PRDM1: variants seen among roughly 807,000 people sequenced by gnomAD.
The protein encoded by PRDM1 is PR/SET domain 1, also known as PR domain zinc finger protein 1.
PRDM1 carries 13 observed loss-of-function variants against 62.8 expected under a neutral mutation model. The observed-to-expected ratio is 0.21, with a 90% CI of 0.13 to 0.33. The LOEUF (loss-of-function observed/expected upper bound fraction) is 0.33, where lower values mean the gene tolerates loss of function less well. PRDM1 is among the 10% of genes least tolerant of loss of function. The probability of loss-of-function intolerance (pLI) is 1.00; values close to 1 mark genes in which losing one functional copy is unlikely to be tolerated. For synonymous variants in PRDM1, 396 were observed against 417.6 expected (o/e 0.95, Z 0.63); for missense variants, 895 against 1,058.8 (o/e 0.85, Z 2.15).
chr6:106,038,012 G>GTTTTTTTTTTTTTTTTTTT (rs1302119750), intron 1 of PRDM1, among the ~76,000 whole-genome samples: 3 of 20,524 alleles, frequency 1.5e-4, no homozygotes, highest in Admixed American at 5.3e-4. Context: ...TGCTATTTTT[G>GTTTTTTTTTTTTTTTTTTT]TCTTTTTTTT....
intron 1 of PRDM1, among the ~76,000 whole-genome samples, chr6:106,072,849 C>A (rs9384599): frequency 2.0e-5 from 3 of 151,990 alleles, no homozygotes; most frequent in Non-Finnish European, 4.4e-5. Flanking sequence ...GGGAACCTTA[C>A]GCCAGTAGGC....
chr6:106,047,697 A>G (rs1345844924), upstream of PRDM1, among the ~76,000 whole-genome samples: 2 of 152,224 alleles, frequency 1.3e-5, no homozygotes, highest in Non-Finnish European at 2.9e-5. Context: ...GGCTTTCACT[A>G]AAACTTTAGT....
At chr6:106,064,964 T>G (rs1168298249) in intron 1 of PRDM1, among the ~76,000 whole-genome samples, 1 of 152,152 alleles carries the variant, frequency 6.6e-6, no homozygotes, top group South Asian at 2.1e-4. Flanking sequence ...TGGTCTTCAG[T>G]AGGACCTCTG....
intron 1 of PRDM1, among the ~76,000 whole-genome samples, chr6:106,025,005 C>G (rs191507013): frequency 4.6e-5 from 7 of 152,056 alleles, no homozygotes; most frequent in Admixed American, 1.3e-4. Context: ...TTTCTTCCTT[C>G]CCTTGGCAAG....
At chr6:106,082,472 AT>A (rs1773708954), upstream of PRDM1, among the ~76,000 whole-genome samples, 1 of 152,214 alleles carries the variant, frequency 6.6e-6, no homozygotes. Context: ...TTAAAAAATA[AT>A]TTTAAAATCA....
intron 1 of PRDM1, among the ~76,000 whole-genome samples, chr6:106,021,440 G>A (rs1772694722): frequency 6.6e-6 from 1 of 152,204 alleles, no homozygotes; most frequent in African/African-American, 2.4e-5. Context: ...CAAGTCTTGA[G>A]TAGAGTAAGC....
Position 106,071,295 on chromosome 6 carries a change from G to A in PRDM1, c.-66-16906G>A, listed in dbSNP as rs143143929. On this transcript the variant is annotated intron_variant, in intron 1 of 6. Coordinates refer to the PRDM1 transcript ENST00000651185. ...CAAAAAAAAGAATGCATCTTATTAT[G>A]CCACCCATTCATGTTCTAATTCAGA... is the stretch of plus-strand genomic sequence containing the variant. Among the ~76,000 whole-genome samples, 9 of 151,978 alleles carry A rather than the reference G, an allele frequency of 5.9e-5. No individual in the cohort carries two copies. The East Asian group carries it at 1.2e-3, about 20-fold the overall frequency.
At position 106,099,242 on chromosome 6, in the gene PRDM1, G is replaced by A. The variant is rs1219611970; in HGVS notation, c.412-58G>A. The A allele has an allele frequency of 3.1e-6, 5 of 1,610,312 alleles. No individual in the cohort carries two copies. The East Asian group carries it at 1.1e-4, about 36-fold the overall frequency. ...GTACCGGCTGTGTTTATTCTGAGAG[G>A]TGCTGGGGAGCTTTGGGTCTGACTT... On this transcript the variant is annotated intron_variant, in intron 3 of 6. Coordinates refer to ENST00000369096, the MANE Select transcript of PRDM1 (RefSeq NM_001198.4).
chr6:106,088,268 T>C lies in PRDM1; in HGVS notation c.110T>C (p.Met37Thr), dbSNP rs762258813. 3 of 1,614,028 alleles carry C rather than the reference T, an allele frequency of 1.9e-6. No homozygotes were observed. Among genetic ancestry groups the C allele is most frequent in the Admixed American group, 1.7e-5 (1 of 60,010 alleles). The change falls in exon 2 of 7, where the codon ATG becomes ACG. Residue 37 changes from methionine (M) to threonine (T), a missense_variant. Met to Thr is a moderately conservative substitution (Grantham distance 81). Transcript: ENST00000369096. ...TTGGCAGAGGGGACCAAGGGGACCATGAAAATGGACATGGAGGATGCGGAT... is the reference window on the plus strand; with the variant it reads ...TTGGCAGAGGGGACCAAGGGGACCACGAAAATGGACATGGAGGATGCGGAT... ...QGLAEGTKGT[M>T]KMDMEDADMT...
At chr6:106,036,627 G>A (rs954060669) in intron 1 of PRDM1, among the ~76,000 whole-genome samples, 8 of 152,094 alleles carry the variant, frequency 5.3e-5, no homozygotes, top group Admixed American at 5.2e-4. Context: ...TAGTGTAACA[G>A]TCTCTTAAAT....
chr6:106,022,100 A>G (rs1351910758), intron 1 of PRDM1, among the ~76,000 whole-genome samples: 1 of 152,250 alleles, frequency 6.6e-6, no homozygotes, highest in African/African-American at 2.4e-5. Context: ...AGAGCTTAAG[A>G]GGTACAGGTG....
chr6:106,053,470 A>G (rs1773210864), intron 1 of PRDM1, among the ~76,000 whole-genome samples: 1 of 151,854 alleles, frequency 6.6e-6, no homozygotes, highest in African/African-American at 2.4e-5. Flanking sequence ...CACAGTTGAG[A>G]CCCCAATTTA....
chr6:106,088,097 C>G (rs1773857645), intron 1 of PRDM1, 104 bp from the exon 2 acceptor site: 2 of 1,391,380 alleles, frequency 1.4e-6, no homozygotes, highest in South Asian at 1.5e-5. Flanking sequence ...CACTCTGCAT[C>G]TGCTTTTAAA....
chr6:106,105,609 T>A lies in PRDM1; in HGVS notation c.1449T>A (p.His483Gln). The A allele has an allele frequency of 6.2e-7, 1 of 1,613,356 alleles. No individual in the cohort carries two copies. The highest frequency in any genetic ancestry group is 8.5e-7 in the Non-Finnish European group (1 of 1,179,490). ...DGARRLLQPE[H>Q]PREVLVPAPH... ...CCCGGAGGTTGCTCCAGCCGGAGCA[T>A]CCCAGGGAGGTGCTTGTCCCGGCGC... The change falls in exon 5 of 7, where the codon CAT (histidine) becomes CAA (glutamine). Residue 483 changes from histidine to glutamine, a missense_variant. Physicochemically the swap from His to Gln is conservative, Grantham distance 24 (BLOSUM62 0). Around this residue, in one of 4 missense-constraint regions of PRDM1, gnomAD observed 444 missense variants for 422.7 expected, o/e 1.05. Coordinates refer to ENST00000369096, the MANE Select transcript of PRDM1 (RefSeq NM_001198.4).
At chr6:106,076,089 C>CTA (rs955929721) in intron 1 of PRDM1, among the ~76,000 whole-genome samples, 4 of 151,942 alleles carry the variant, frequency 2.6e-5, no homozygotes, top group African/African-American at 9.7e-5. Context: ...GTAGCTGGGA[C>CTA]TACAGGTATG....
At chr6:106,097,534 G>T (rs1338489928) in intron 3 of PRDM1, among the ~76,000 whole-genome samples, 4 of 152,230 alleles carry the variant, frequency 2.6e-5, no homozygotes, top group Non-Finnish European at 5.9e-5. Context: ...AAGAAGGGAT[G>T]TTCAAGTTGA....
At chr6:106,089,622 G>A (rs1376019304) in intron 2 of PRDM1, among the ~76,000 whole-genome samples, 1 of 152,138 alleles carries the variant, frequency 6.6e-6, no homozygotes, top group Non-Finnish European at 1.5e-5. Context: ...AATGGAGGCA[G>A]ATTTTATAAA....
chr6:106,105,170 C>A lies in PRDM1; in HGVS notation c.1010C>A (p.Pro337His), dbSNP rs148271382. 500 of 1,613,234 alleles carry A rather than the reference C, an allele frequency of 3.1e-4. 2 individuals are homozygous for A. Among genetic ancestry groups the A allele is most frequent in the Non-Finnish European group, 4.1e-4 (487 of 1,179,758 alleles). ...SPIPSSTTPS[P>H]SARSSPDQSL... ...ATTCCATCCTCCACCACTCCAAGCC[C>A]CTCTGCAAGAAGCAGCCCCGACCAA... Residue 337 changes from proline to histidine, a missense_variant, in exon 5 of 7, where the codon CCC becomes CAC. By Grantham distance (77) the Pro-to-His change is moderately conservative (BLOSUM62 -2). This residue lies in a region of PRDM1 where 444 missense variants were observed against 422.7 expected (regional missense o/e 1.05). Coordinates refer to ENST00000369096, the MANE Select transcript of PRDM1 (RefSeq NM_001198.4).
At chr6:106,065,070 T>C (rs1194634836) in intron 1 of PRDM1, among the ~76,000 whole-genome samples, 1 of 152,188 alleles carries the variant, frequency 6.6e-6, no homozygotes, top group African/African-American at 2.4e-5. Context: ...TCTGGGGTAG[T>C]TGGAGGCTGT....
Sources: gnomAD v4.1 joint callset for allele counts (sites outside exome capture counted in the v4.1 genomes callset) on GRCh38, gnomAD v4.1.1 for gene constraint, gnomAD v4.1.1 regional missense constraint, MANE v1.5 for transcripts, NCBI Gene and HGNC (gene_info 2026-07-23, HGNC 2026-07-21) for gene names.